Variants in THADA observed in about 807,000 individuals in gnomAD.
THADA encodes the protein tRNA (32-2'-O)-methyltransferase regulator THADA.
A neutral mutation model predicts 219.8 loss-of-function variants in THADA; 213 were observed. The ratio of observed to expected loss-of-function variants is 0.97; its 90% CI spans 0.87 to 1.09. The LOEUF (loss-of-function observed/expected upper bound fraction) is 1.09. THADA is among the 50% of genes least tolerant of loss of function. The probability of loss-of-function intolerance (pLI) is 0.00; values close to 1 mark genes in which losing one functional copy is unlikely to be tolerated. For synonymous variants in THADA, 1,018 were observed against 828.9 expected (o/e 1.23, Z -3.92); for missense variants, 2,956 against 2,311.3 (o/e 1.28, Z -5.72).
chr2:43,343,334 C>G (rs1454870833), intron 30 of THADA: 3 of 152,202 alleles, frequency 2.0e-5, no homozygotes, highest in Admixed American at 6.5e-5. Flanking sequence ...CCACACCCGG[C>G]CAATAAACTG....
intron 36 of THADA, among the ~76,000 whole-genome samples, chr2:43,259,130 G>C (rs1248999611): frequency 6.6e-6 from 1 of 152,214 alleles, no homozygotes; most frequent in Non-Finnish European, 1.5e-5. Flanking sequence ...CCAAGTCAAG[G>C]GGAGGGGGTC....
chr2:43,575,683 C>T (rs571350475), intron 10 of THADA, among the ~76,000 whole-genome samples: 2 of 152,212 alleles, frequency 1.3e-5, no homozygotes, highest in African/African-American at 4.8e-5. Flanking sequence ...ATTACAGGCG[C>T]ATGCCCCCAT....
At chr2:43,374,474 T>C (rs1054576021) in intron 29 of THADA, among the ~76,000 whole-genome samples, 5 of 152,166 alleles carry the variant, frequency 3.3e-5, no homozygotes, top group East Asian at 1.9e-4. Context: ...GTTAGTGCAA[T>C]AGAAGTGAGG....
intron 22 of THADA, among the ~76,000 whole-genome samples, chr2:43,509,666 T>G (rs1465718883): frequency 2.0e-5 from 3 of 152,162 alleles, no homozygotes; most frequent in Middle Eastern, 3.2e-3. Flanking sequence ...TATTCTAGTT[T>G]GGTGTAAAAC....
At chr2:43,516,158 G>T (rs945705984) in intron 22 of THADA, among the ~76,000 whole-genome samples, 1 of 152,056 alleles carries the variant, frequency 6.6e-6, no homozygotes, top group Admixed American at 6.5e-5. Context: ...CTTTTCTGTA[G>T]TATAGCAATA....
At chr2:43,408,690 A>G (rs1675903275) in intron 28 of THADA, among the ~76,000 whole-genome samples, 1 of 152,152 alleles carries the variant, frequency 6.6e-6, no homozygotes, top group African/African-American at 2.4e-5. Context: ...TCATCTATAA[A>G]AGCTTATTAG....
chr2:43,293,749 ATTTGATTACAATTCTTGTGTCCCC>A (rs1478197210), intron 31 of THADA, among the ~76,000 whole-genome samples: 3 of 152,318 alleles, frequency 2.0e-5, no homozygotes, highest in Admixed American at 6.5e-5. Context: ...CTCTTTAGAC[ATTTGATTACAATTCTTGTGTCCCC>A]TCTGTCTTCT....
Position 43,292,983 on chromosome 2 carries a change from G to C in THADA, c.4669C>G (p.Arg1557Gly). The change falls in exon 32 of 38, where the codon CGC becomes GGC. Residue 1557 changes from arginine to glycine, a missense_variant. By Grantham distance (125) the Arg-to-Gly change is moderately radical (BLOSUM62 -2). Transcript: ENST00000405975. ...QLLESAFPEV[R>G]SLTLEALLEK... ...AAGAGGGCTTCCAGTGTTAGTGAGC[G>C]CACTTCAGGGAAGGCAGATTCTAAC... 1 of 1,613,938 alleles carries C rather than the reference G, an allele frequency of 6.2e-7. No individual in the cohort carries two copies. The highest frequency in any genetic ancestry group is 8.5e-7 in the Non-Finnish European group (1 of 1,179,874).
intron 21 of THADA, among the ~76,000 whole-genome samples, chr2:43,537,709 G>A (rs1574140561): frequency 6.6e-6 from 1 of 152,210 alleles, no homozygotes; most frequent in East Asian, 1.9e-4. Flanking sequence ...GCTCATGCCT[G>A]TAATCTTAGC....
At chr2:43,575,435 G>C (rs1360133292) in intron 10 of THADA, among the ~76,000 whole-genome samples, 3 of 152,158 alleles carry the variant, frequency 2.0e-5, no homozygotes, top group Non-Finnish European at 4.4e-5. Context: ...GTGACAAAGC[G>C]AGACTTTGTC....
chr2:43,328,694 C>T (rs1475761903), intron 30 of THADA, among the ~76,000 whole-genome samples: 2 of 152,222 alleles, frequency 1.3e-5, no homozygotes, highest in Non-Finnish European at 2.9e-5. Flanking sequence ...TCTGTGAAAG[C>T]AGAGGGCCTT....
rs774005048 is a variant in THADA at position 43,505,609 on chromosome 2, T to C, written c.3621+13A>G. 1.3e-6 allele frequency: 2 copies of C among 1,547,914 alleles called. No homozygotes were observed. The highest frequency in any genetic ancestry group is 2.4e-5 in the South Asian group (2 of 84,862). ...AAAACAACACTGGAGGGTTTGTGTA[T>C]TTCCATGATTACCTGGGGGACTGTA... On this transcript the variant is annotated intron_variant, in intron 24 of 37. Coordinates refer to ENST00000405975, the MANE Select transcript of THADA (RefSeq NM_022065.5).
intron 29 of THADA, among the ~76,000 whole-genome samples, chr2:43,361,523 C>G (rs1294501885): frequency 6.6e-6 from 1 of 152,210 alleles, no homozygotes; most frequent in Non-Finnish European, 1.5e-5. Flanking sequence ...GTTCTCCTAG[C>G]TCTGCATTAT....
At chr2:43,405,306 T>G (rs1371746979) in intron 28 of THADA, among the ~76,000 whole-genome samples, 1 of 152,232 alleles carries the variant, frequency 6.6e-6, no homozygotes, top group African/African-American at 2.4e-5. Context: ...TACGTGTGCA[T>G]GCATAAAAGA....
chr2:43,323,155 G>T (rs1252365594), intron 30 of THADA, among the ~76,000 whole-genome samples: 3 of 151,098 alleles, frequency 2.0e-5, no homozygotes, highest in South Asian at 2.1e-4. Context: ...GTTTTGTTTT[G>T]TTCTGAGACA....
chr2:43,343,959 TTC>T, intron 30 of THADA, 161 bp downstream of exon 30: 1 of 533,190 alleles, frequency 1.9e-6, no homozygotes. Context: ...GAAAATATTT[TTC>T]TTTCTTTACC....
chr2:43,555,593 G>A (rs1360061701), intron 17 of THADA, among the ~76,000 whole-genome samples: 1 of 152,072 alleles, frequency 6.6e-6, no homozygotes, highest in Non-Finnish European at 1.5e-5. Flanking sequence ...AGCAATTCAA[G>A]TAGGCAAGCA....
At position 43,252,821 on chromosome 2, in the gene THADA, T is replaced by C. The variant is rs140251644; in HGVS notation, c.5297-19939A>G. ...CTTTGAGCCACCAATTCCAGCTGAG[T>C]AGCGGCAGTCTGCTGATGAAGCTGT... On this transcript the variant is annotated intron_variant, in intron 36 of 37. Coordinates refer to ENST00000405975, the MANE Select transcript of THADA (RefSeq NM_022065.5). 2.5e-3 allele frequency among the ~76,000 whole-genome samples: 379 copies of C among 152,308 alleles called. 1 individual carries two copies. Among genetic ancestry groups the C allele is most frequent in the African/African-American group, 8.8e-3 (366 of 41,570 alleles).
At chr2:43,237,573 A>G (rs1015413941) in intron 36 of THADA, among the ~76,000 whole-genome samples, 2 of 151,300 alleles carry the variant, frequency 1.3e-5, no homozygotes, top group African/African-American at 4.8e-5. Context: ...TAAACTTTTT[A>G]TATTTTTAGT....
Sources: allele counts gnomAD v4.1 joint callset (sites outside exome capture counted in the v4.1 genomes callset), GRCh38; gene constraint gnomAD v4.1.1; transcripts MANE v1.5; gene names NCBI Gene and HGNC (gene_info 2026-07-23, HGNC 2026-07-21).